Variants in TENM3 observed in about 807,000 individuals in gnomAD.
TENM3 encodes teneurin transmembrane protein 3.
Under a neutral mutation model 255.1 loss-of-function variants are expected in TENM3, and 63 were observed. That is an observed-to-expected ratio of 0.25 (90% CI 0.20 to 0.30). The LOEUF (loss-of-function observed/expected upper bound fraction) is 0.30. Ranked by LOEUF, TENM3 falls within the 10% of genes least tolerant of loss-of-function variation. The pLI, the probability that TENM3 is intolerant of heterozygous loss-of-function variation, is 1.00. For missense variants in TENM3, 2,929 were observed against 3,461.1 expected (o/e 0.85, Z 3.86); for synonymous variants, 1,306 against 1,322.3 (o/e 0.99, Z 0.27).
intron 3 of TENM3, among the ~76,000 whole-genome samples, chr4:182,401,096 GGGT>G (rs1414626906): frequency 6.6e-6 from 1 of 151,780 alleles, no homozygotes; most frequent in African/African-American, 2.4e-5. Context: ...TACATTAACA[GGGT>G]CCTCTCTCAG....
At chr4:182,481,000 T>C (rs1047549030) in intron 3 of TENM3, among the ~76,000 whole-genome samples, 9 of 151,856 alleles carry the variant, frequency 5.9e-5, no homozygotes, top group Non-Finnish European at 1.2e-4. Context: ...ATTTGAAGAG[T>C]CGTTTTCTTT....
At chr4:181,478,431 G>A in the TENM3 span, among the ~76,000 whole-genome samples, 2 of 152,092 alleles carry the variant, frequency 1.3e-5, no homozygotes, top group African/African-American at 4.8e-5. Flanking sequence ...CTAGGAACTC[G>A]ATCACGCTCC....
chr4:181,595,746 G>A, the TENM3 span, among the ~76,000 whole-genome samples: 4 of 151,974 alleles, frequency 2.6e-5, no homozygotes, highest in African/African-American at 9.7e-5. Context: ...CAGCCACAAT[G>A]ACCTCCTATC....
At chr4:182,136,364 T>C in the TENM3 span, among the ~76,000 whole-genome samples, 1 of 152,222 alleles carries the variant, frequency 6.6e-6, no homozygotes, top group Non-Finnish European at 1.5e-5. Flanking sequence ...CTATTGTTGT[T>C]CTTTTTTCAA....
chr4:181,794,271 TTGTG>T, the TENM3 span, among the ~76,000 whole-genome samples: 1 of 151,830 alleles, frequency 6.6e-6, no homozygotes, highest in Non-Finnish European at 1.5e-5. Context: ...ATCCTTGTGA[TTGTG>T]TGTGTGTGTA....
chr4:182,003,554 T>C, the TENM3 span, among the ~76,000 whole-genome samples: 2 of 152,146 alleles, frequency 1.3e-5, no homozygotes, highest in African/African-American at 4.8e-5. Context: ...CGTAATGATT[T>C]GATTTTTTTG....
intron 3 of TENM3, among the ~76,000 whole-genome samples, chr4:182,518,163 C>T (rs1257892930): frequency 1.3e-5 from 2 of 152,080 alleles, no homozygotes; most frequent in Non-Finnish European, 2.9e-5. Flanking sequence ...CTTTGGGAAT[C>T]TTATTGGAAT....
rs78815138 is a variant in TENM3, at chr4:182,243,820, T to C, written c.-76+344T>C. Among the ~76,000 whole-genome samples the C allele has an allele frequency of 6.7e-4, 102 of 152,276 alleles. 1 individual carries two copies. In the East Asian group the frequency reaches 0.018, roughly 27 times the overall value. On this transcript the variant is annotated intron_variant, in intron 1 of 27. Coordinates refer to ENST00000511685, the MANE Select transcript of TENM3 (RefSeq NM_001080477.4). ...ATGTCTGTTGACTTAAATATTGGTT[T>C]TCTTTTGTGACTGAGGTTCCAGTAC...
chr4:181,949,222 A>T, the TENM3 span, among the ~76,000 whole-genome samples: 3 of 152,210 alleles, frequency 2.0e-5, no homozygotes, highest in Non-Finnish European at 4.4e-5. Context: ...TTCATGAGCA[A>T]TTCCTCAAAT....
At chr4:182,335,157 ACCCCTCTCTT>A (rs899359369) in intron 2 of TENM3, among the ~76,000 whole-genome samples, 2 of 151,664 alleles carry the variant, frequency 1.3e-5, no homozygotes, top group African/African-American at 4.8e-5. Flanking sequence ...ACTTCTCGCT[ACCCCTCTCTT>A]TTCAGAGCTG....
the TENM3 span, among the ~76,000 whole-genome samples, chr4:181,922,151 G>A: frequency 6.6e-6 from 1 of 152,150 alleles, no homozygotes; most frequent in Non-Finnish European, 1.5e-5. Context: ...TTTTATTGAG[G>A]ATTTTTGAAT....
the TENM3 span, among the ~76,000 whole-genome samples, chr4:181,745,272 G>T: frequency 6.6e-6 from 1 of 152,110 alleles, no homozygotes; most frequent in African/African-American, 2.4e-5. Context: ...TAGGTCATTG[G>T]TGGTGAGAGA....
upstream of TENM3, among the ~76,000 whole-genome samples, chr4:182,238,544 C>CAGGG (rs1378215123): frequency 6.6e-6 from 1 of 152,142 alleles, no homozygotes; most frequent in Non-Finnish European, 1.5e-5. Flanking sequence ...CCTTCACTAG[C>CAGGG]AGGGGTGCTC....
chr4:182,568,818 A>G (rs1412818072), intron 3 of TENM3, among the ~76,000 whole-genome samples: 2 of 152,250 alleles, frequency 1.3e-5, no homozygotes, highest in Non-Finnish European at 2.9e-5. Flanking sequence ...AAGCACGGCT[A>G]TACATAGAAA....
chr4:181,695,077 G>C, the TENM3 span, among the ~76,000 whole-genome samples: 1,456 of 152,218 alleles, frequency 9.6e-3, 21 homozygotes, highest in African/African-American at 0.033. Flanking sequence ...TGATAAAATG[G>C]TGGTTTCTTA....
the TENM3 span, among the ~76,000 whole-genome samples, chr4:181,962,472 G>T: frequency 6.6e-6 from 1 of 152,336 alleles, no homozygotes; most frequent in African/African-American, 2.4e-5. Context: ...TCTGCAACTT[G>T]AAGTGGATAC....
intron 3 of TENM3, among the ~76,000 whole-genome samples, chr4:182,445,962 C>T (rs1440207525): frequency 6.6e-6 from 1 of 152,106 alleles, no homozygotes; most frequent in Non-Finnish European, 1.5e-5. Flanking sequence ...TGAACGTGGG[C>T]CTCATTACAC....
At chr4:182,541,726 T>C (rs552137655) in intron 3 of TENM3, among the ~76,000 whole-genome samples, 1 of 152,290 alleles carries the variant, frequency 6.6e-6, no homozygotes, top group South Asian at 2.1e-4. Flanking sequence ...TAGCAAAATC[T>C]GGTTTTAAGT....
chr4:181,954,788 A>G, the TENM3 span, among the ~76,000 whole-genome samples: 6 of 152,196 alleles, frequency 3.9e-5, no homozygotes, highest in Admixed American at 2.6e-4. Flanking sequence ...CAAAGTCAAG[A>G]TGATTCTCTG....
Sources: allele counts gnomAD v4.1 joint callset (sites outside exome capture counted in the v4.1 genomes callset), GRCh38; gene constraint gnomAD v4.1.1; transcripts MANE v1.5; gene names NCBI Gene and HGNC (gene_info 2026-07-23, HGNC 2026-07-21).